Variants in PSMG2 observed in about 807,000 individuals in gnomAD.
PSMG2 encodes proteasome assembly chaperone 2.
A neutral mutation model predicts 31.5 loss-of-function variants in PSMG2; 21 were observed. That is an observed-to-expected ratio of 0.67 (90% CI 0.47 to 0.96). PSMG2 has a LOEUF of 0.96. Among genes scored for constraint, PSMG2 ranks in the 40% least tolerant of loss-of-function variants. The pLI, the probability that PSMG2 is intolerant of heterozygous loss-of-function variation, is 0.00. For missense variants in PSMG2, 318 were observed against 321.2 expected (o/e 0.99, Z 0.08); for synonymous variants, 120 against 110.4 (o/e 1.09, Z -0.54).
intron 1 of PSMG2, among the ~76,000 whole-genome samples, chr18:12,678,643 C>T (rs2039230980): frequency 6.6e-6 from 1 of 152,020 alleles, no homozygotes; most frequent in South Asian, 2.1e-4. Context: ...GAAACCAACT[C>T]TGTTAACAAC....
At chr18:12,706,366 A>C (rs553681522) in intron 1 of PSMG2, among the ~76,000 whole-genome samples, 184 bp from the exon 2 acceptor site, 116 of 152,332 alleles carry the variant, frequency 7.6e-4, no homozygotes, top group Admixed American at 1.4e-3. Context: ...GCGCGCCTAT[A>C]ATCTCAGCTA....
intron 4 of PSMG2, among the ~76,000 whole-genome samples, chr18:12,719,936 C>T (rs902110541): frequency 4.6e-5 from 7 of 151,646 alleles, no homozygotes; most frequent in African/African-American, 1.2e-4. Context: ...AGGCTGGTCT[C>T]GAACTCCTGA....
At chr18:12,703,303 G>C in intron 1 of PSMG2, 139 bp downstream of exon 1, 1 of 1,053,166 alleles carries the variant, frequency 9.5e-7, no homozygotes, top group Non-Finnish European at 1.3e-6. Context: ...GAAAAAACAG[G>C]GAGGTTGTAG....
chr18:12,693,174 T>A (rs562298442), intron 1 of PSMG2, among the ~76,000 whole-genome samples: 26 of 152,220 alleles, frequency 1.7e-4, no homozygotes, highest in African/African-American at 6.0e-4. Flanking sequence ...ATTTATCAGA[T>A]AATAGAATAA....
At chr18:12,674,602 G>C in intron 1 of PSMG2, 4 of 1,614,030 alleles carry the variant, frequency 2.5e-6, no homozygotes, top group Non-Finnish European at 3.4e-6. Context: ...CCCTTTAAAT[G>C]TGTGACCATC....
Position 12,674,630 on chromosome 18 carries a change from T to C in PSMG2, c.-37+15857T>C, listed in dbSNP as rs778738967. The C allele has an allele frequency of 6.8e-6, 11 of 1,614,070 alleles. No individual in the cohort carries two copies. The East Asian group carries it at 1.6e-4, about 23-fold the overall frequency. ...TGACCATCAGGTACAGCCCTTCTTA[T>C]GGCATCTTGAAATTCTTCATTGCCT... On this transcript the variant is annotated intron_variant, in intron 1 of 6. Coordinates refer to the PSMG2 transcript ENST00000585331.
At chr18:12,686,523 A>C in intron 1 of PSMG2, 1 of 1,097,766 alleles carries the variant, frequency 9.1e-7, no homozygotes, top group Non-Finnish European at 1.3e-6. Flanking sequence ...AAATACATTA[A>C]TGTAGGATAA....
chr18:12,709,719 T>C (rs541652640), intron 2 of PSMG2, among the ~76,000 whole-genome samples: 6 of 151,736 alleles, frequency 4.0e-5, no homozygotes, highest in Non-Finnish European at 8.8e-5. Context: ...AGGCTGGTGT[T>C]GAACTCCTGA....
In PSMG2 at chr18:12,712,728, G is replaced by A. The variant is rs550663514; in HGVS notation, c.256G>A (p.Val86Met). 48 of 1,608,134 alleles carry A rather than the reference G, an allele frequency of 3.0e-5. 1 individual carries two copies. The highest frequency in any genetic ancestry group is 2.6e-4 in the South Asian group (24 of 90,718). ...GTATTCATTGCCTTCAAGAAAGCTG[G>A]TGGCTCTACAGTTAAGATCCATTTT... The part of the protein sequence containing the change: ...EVYSLPSRKL[V>M]ALQLRSIFIK... The change falls in exon 3 of 7, where the codon GTG becomes ATG. Residue 86 changes from valine to methionine, a missense_variant. Val to Met is a conservative substitution (Grantham distance 21). Transcript: ENST00000317615.
At chr18:12,704,571 AGAGT>A (rs1459651361) in intron 1 of PSMG2, among the ~76,000 whole-genome samples, 2 of 152,218 alleles carry the variant, frequency 1.3e-5, no homozygotes, top group African/African-American at 4.8e-5. Flanking sequence ...CCTGGGCGAC[AGAGT>A]GAGACCCTGT....
chr18:12,659,221 G>A (rs542189228), intron 1 of PSMG2, among the ~76,000 whole-genome samples: 19 of 152,244 alleles, frequency 1.2e-4, no homozygotes, highest in African/African-American at 4.6e-4. Context: ...TATGTAAAAT[G>A]TTAGAAATCA....
chr18:12,725,355 C>A, intron 6 of PSMG2, 84 bp from the exon 7 acceptor site: 2 of 1,129,910 alleles, frequency 1.8e-6, no homozygotes, highest in Non-Finnish European at 1.3e-6. Context: ...AAAAGGAACA[C>A]AAAAGGAGAG....
upstream of PSMG2, chr18:12,702,576 T>A: frequency 6.3e-7 from 1 of 1,581,386 alleles, no homozygotes; most frequent in Non-Finnish European, 8.6e-7. Context: ...CCCCGCCGCT[T>A]CTCCCCGCCT....
At chr18:12,673,298 G>T in intron 1 of PSMG2, 1 of 1,528,994 alleles carries the variant, frequency 6.5e-7, no homozygotes, top group Admixed American at 2.4e-5. Flanking sequence ...CCTCTAAATA[G>T]CTAAGTAATG....
upstream of PSMG2, chr18:12,701,117 T>C (rs376980009): frequency 1.7e-5 from 28 of 1,604,196 alleles, no homozygotes; most frequent in Non-Finnish European, 2.4e-5. Context: ...CATCCATCTA[T>C]GTAGAAAACT....
At chr18:12,672,175 C>G (rs1224778576) in intron 1 of PSMG2, among the ~76,000 whole-genome samples, 1 of 148,948 alleles carries the variant, frequency 6.7e-6, no homozygotes, top group Non-Finnish European at 1.5e-5. Context: ...AGTGCAGTGG[C>G]GCGATCTCAC....
chr18:12,700,535 T>C (rs920896550), upstream of PSMG2, among the ~76,000 whole-genome samples: 3 of 152,198 alleles, frequency 2.0e-5, no homozygotes, highest in East Asian at 5.8e-4. Context: ...ATGCAGTCAA[T>C]TATTTTCTTA....
At chr18:12,678,044 CA>C in intron 1 of PSMG2, 1 of 1,346,324 alleles carries the variant, frequency 7.4e-7, no homozygotes, top group Non-Finnish European at 1.0e-6. Flanking sequence ...TCACACACAC[CA>C]AAAAACAGTT....
At chr18:12,683,776 A>G (rs2145033279) in intron 1 of PSMG2, among the ~76,000 whole-genome samples, 1 of 152,054 alleles carries the variant, frequency 6.6e-6, no homozygotes, top group African/African-American at 2.4e-5. Flanking sequence ...GGAAATCAGA[A>G]AGACTGTAGC....
Sources: gnomAD v4.1 joint callset for allele counts (sites outside exome capture counted in the v4.1 genomes callset) on GRCh38, gnomAD v4.1.1 for gene constraint, MANE v1.5 for transcripts, NCBI Gene and HGNC (gene_info 2026-07-23, HGNC 2026-07-21) for gene names.